TBC1D5: variants seen among roughly 807,000 people sequenced by gnomAD.
TBC1D5 encodes the protein TBC1 domain family member 5, also known as TBC1 domain family, member 5.
In TBC1D5, 75 loss-of-function variants were observed where a neutral mutation model predicts 100.3. That is an observed-to-expected ratio of 0.75 (90% CI 0.62 to 0.91). The LOEUF is 0.91. TBC1D5 is among the 40% of genes least tolerant of loss of function. The pLI, the probability that TBC1D5 is intolerant of heterozygous loss-of-function variation, is 0.00. For synonymous variants in TBC1D5, 323 were observed against 325.6 expected, an observed-to-expected ratio of 0.99 and a Z score of 0.09; for missense variants, 910 against 942.4, an observed-to-expected ratio of 0.97 and a Z score of 0.45.
chr3:17,332,201 C>G (rs868221278), intron 13 of TBC1D5, among the ~76,000 whole-genome samples: 22 of 152,052 alleles, frequency 1.4e-4, no homozygotes, highest in Middle Eastern at 3.4e-3. Context: ...TGGGGGTATT[C>G]TGGATATATT....
intron 2 of TBC1D5, among the ~76,000 whole-genome samples, chr3:17,612,991 A>G (rs926312794): frequency 6.6e-6 from 1 of 151,868 alleles, no homozygotes; most frequent in Admixed American, 6.6e-5. Context: ...ACCCCTCAAC[A>G]AGTCATTTAC....
At chr3:17,206,022 T>C (rs1267114195) in intron 18 of TBC1D5, among the ~76,000 whole-genome samples, 1 of 152,198 alleles carries the variant, frequency 6.6e-6, no homozygotes, top group Non-Finnish European at 1.5e-5. Flanking sequence ...CAATTCTAAC[T>C]ACTTTAGATG....
At chr3:17,675,947 C>T (rs140237108) in intron 1 of TBC1D5, among the ~76,000 whole-genome samples, 46 of 152,142 alleles carry the variant, frequency 3.0e-4, no homozygotes, top group African/African-American at 1.0e-3. Context: ...CTCCTTAACA[C>T]GTAAAACTAT....
intron 1 of TBC1D5, among the ~76,000 whole-genome samples, chr3:17,714,254 A>G (rs928893193): frequency 6.6e-6 from 1 of 152,208 alleles, no homozygotes. Context: ...TGCCAAGTAG[A>G]ACTAATAACC....
chr3:17,233,813 T>C lies in TBC1D5; in HGVS notation c.1588+4350A>G, dbSNP rs897068862. The C allele has an allele frequency of 7.8e-6, 8 of 1,022,806 alleles. No homozygotes were observed. The African/African-American group carries it at 1.3e-4, about 17-fold the overall frequency. 63.4% of individuals were successfully genotyped at this position (1,022,806 alleles called of 1,614,324 possible). ...AAGGAAATAATCAACTTCACTTTTCTTTTATACTGAATGTTCTAATACTTT... is the reference window on the plus strand; with the variant it reads ...AAGGAAATAATCAACTTCACTTTTCCTTTATACTGAATGTTCTAATACTTT... On this transcript the variant is annotated intron_variant, in intron 17 of 21. Coordinates refer to ENST00000253692, the Ensembl canonical transcript of TBC1D5.
At chr3:17,506,354 C>T (rs972963616) in intron 3 of TBC1D5, among the ~76,000 whole-genome samples, 1 of 152,080 alleles carries the variant, frequency 6.6e-6, no homozygotes, top group African/African-American at 2.4e-5. Context: ...CTTTGAAGAA[C>T]AAGATATTTA....
chr3:17,267,900 C>T (rs2079007846), intron 15 of TBC1D5, among the ~76,000 whole-genome samples: 1 of 151,888 alleles, frequency 6.6e-6, no homozygotes, highest in Non-Finnish European at 1.5e-5. Flanking sequence ...TTGTAAAAAC[C>T]CATTCTTACC....
chr3:17,359,380 G>T (rs1468544548), intron 13 of TBC1D5, among the ~76,000 whole-genome samples: 1 of 152,070 alleles, frequency 6.6e-6, no homozygotes, highest in Non-Finnish European at 1.5e-5. Context: ...AGAAGTAATA[G>T]TGAGAAGACA....
intron 3 of TBC1D5, among the ~76,000 whole-genome samples, chr3:17,434,444 T>C (rs557795485): frequency 2.0e-4 from 31 of 152,328 alleles, no homozygotes; most frequent in Admixed American, 5.9e-4. Flanking sequence ...TCTGAAGCAA[T>C]AGCCCAAGCT....
chr3:17,308,815 C>T (rs1312376082), intron 13 of TBC1D5, among the ~76,000 whole-genome samples: 2 of 151,818 alleles, frequency 1.3e-5, no homozygotes, highest in African/African-American at 4.8e-5. Context: ...AGTATCTATG[C>T]CACAGAGTAA....
At chr3:17,349,810 C>T (rs1367818474) in intron 13 of TBC1D5, among the ~76,000 whole-genome samples, 1 of 152,040 alleles carries the variant, frequency 6.6e-6, no homozygotes, top group East Asian at 1.9e-4. Flanking sequence ...ACTCACATGC[C>T]TTTAGGAGTA....
At chr3:17,720,712 ACTTGAGTGGGGAGGATCTC>A (rs2075626195) in intron 1 of TBC1D5, among the ~76,000 whole-genome samples, 1 of 152,106 alleles carries the variant, frequency 6.6e-6, no homozygotes, top group Admixed American at 6.5e-5. Flanking sequence ...TCAGAGGATC[ACTTGAGTGGGGAGGATCTC>A]CTGAGCCTGG....
intron 2 of TBC1D5, among the ~76,000 whole-genome samples, chr3:17,584,306 G>A (rs1328409276): frequency 2.0e-5 from 3 of 152,142 alleles, no homozygotes; most frequent in South Asian, 2.1e-4. Context: ...TCAACGCCAC[G>A]GAACTGTTCA....
chr3:17,474,299 T>C (rs1180492482), intron 3 of TBC1D5, among the ~76,000 whole-genome samples: 1 of 152,192 alleles, frequency 6.6e-6, no homozygotes, highest in Non-Finnish European at 1.5e-5. Context: ...GTTATAAACT[T>C]AACTGAGATA....
chr3:17,462,156 C>T (rs1011061825), intron 3 of TBC1D5, among the ~76,000 whole-genome samples: 6 of 151,892 alleles, frequency 4.0e-5, no homozygotes, highest in African/African-American at 1.5e-4. Context: ...AAATGTTACA[C>T]TTATTTTATA....
intron 15 of TBC1D5, among the ~76,000 whole-genome samples, chr3:17,281,875 T>C (rs2080639057): frequency 6.6e-6 from 1 of 152,172 alleles, no homozygotes; most frequent in African/African-American, 2.4e-5. Flanking sequence ...ACCACTATAT[T>C]AAAAAAAGTG....
At chr3:17,555,065 G>A (rs1012619770) in intron 2 of TBC1D5, among the ~76,000 whole-genome samples, 1 of 151,866 alleles carries the variant, frequency 6.6e-6, no homozygotes, top group African/African-American at 2.4e-5. Flanking sequence ...TGGCCAGGAT[G>A]GTCTCGATCT....
At chr3:17,556,341 A>G (rs548440615) in intron 2 of TBC1D5, among the ~76,000 whole-genome samples, 1 of 152,178 alleles carries the variant, frequency 6.6e-6, no homozygotes, top group Admixed American at 6.5e-5. Flanking sequence ...AGCCTACAAA[A>G]AAATAAGAAA....
At chr3:17,558,712 G>A (rs1209996385) in intron 2 of TBC1D5, among the ~76,000 whole-genome samples, 1 of 152,114 alleles carries the variant, frequency 6.6e-6, no homozygotes, top group Non-Finnish European at 1.5e-5. Context: ...AGGCTCTGTG[G>A]GCCATACGGT....
Sources: gnomAD v4.1 joint callset for allele counts (sites outside exome capture counted in the v4.1 genomes callset) on GRCh38, gnomAD v4.1.1 for gene constraint, MANE v1.5 for transcripts, NCBI Gene and HGNC (gene_info 2026-07-23, HGNC 2026-07-21) for gene names.